Variants in GRHL2 observed in about 807,000 individuals in gnomAD.
GRHL2 encodes the protein grainyhead like transcription factor 2, also known as grainyhead-like protein 2 homolog.
GRHL2 carries 21 observed loss-of-function variants against 83.8 expected under a neutral mutation model. The ratio of observed to expected loss-of-function variants is 0.25; its 90% CI spans 0.18 to 0.36. The LOEUF (loss-of-function observed/expected upper bound fraction) is 0.36. Ranked by LOEUF, GRHL2 falls within the 10% of genes least tolerant of loss-of-function variation. The pLI is 1.00. For missense variants in GRHL2, 623 were observed against 781.8 expected (o/e 0.80, Z 2.42); for synonymous variants, 280 against 278.9 (o/e 1.00, Z -0.04).
intron 4 of GRHL2, among the ~76,000 whole-genome samples, chr8:101,564,796 A>G (rs1303199012): frequency 7.8e-6 from 1 of 127,922 alleles, no homozygotes; most frequent in African/African-American, 3.0e-5. Flanking sequence ...TGGGTGACAG[A>G]GCAAGGCCCT....
rs1409539887 is a variant in GRHL2 at position 101,649,510 on chromosome 8, T to C, written c.1698+11T>C. The C allele has an allele frequency of 1.9e-6, 3 of 1,604,772 alleles. No homozygotes were observed. Among genetic ancestry groups the C allele is most frequent in the African/African-American group, 2.7e-5 (2 of 74,836 alleles). On this transcript the variant is annotated intron_variant, in intron 14 of 15. Coordinates refer to ENST00000646743, the MANE Select transcript of GRHL2 (RefSeq NM_024915.4). ...GGCCTGATGGAAGCGGTAAGCCATA[T>C]ACTCCTTTCAGCCTCCAGGAAACCT...
At chr8:101,600,575 G>A (rs900447158) in intron 8 of GRHL2, among the ~76,000 whole-genome samples, 28 of 152,196 alleles carry the variant, frequency 1.8e-4, no homozygotes, top group African/African-American at 6.0e-4. Flanking sequence ...GAACCTGATC[G>A]GTAAGAGGCA....
chr8:101,566,666 C>T (rs976992452), intron 4 of GRHL2, among the ~76,000 whole-genome samples: 95 of 149,150 alleles, frequency 6.4e-4, no homozygotes, highest in African/African-American at 2.3e-3. Context: ...TTTTACTTAT[C>T]CCAAGTCTAA....
chr8:101,585,916 G>T (rs936615976), intron 7 of GRHL2, among the ~76,000 whole-genome samples: 3 of 152,062 alleles, frequency 2.0e-5, no homozygotes, highest in Admixed American at 6.5e-5. Context: ...AATCCCTTCC[G>T]CTGTGTGTGT....
chr8:101,586,146 C>T (rs1455909053), intron 7 of GRHL2, among the ~76,000 whole-genome samples: 3 of 140,754 alleles, frequency 2.1e-5, no homozygotes, highest in Non-Finnish European at 4.5e-5. Context: ...GTGGCGCAAT[C>T]TCGGCTCACT....
intron 1 of GRHL2, among the ~76,000 whole-genome samples, chr8:101,497,993 G>T (rs1042145486): frequency 2.0e-5 from 3 of 152,238 alleles, no homozygotes; most frequent in Non-Finnish European, 4.4e-5. Flanking sequence ...AGCTGCAAAA[G>T]AACTGATTTG....
At chr8:101,580,317 A>G (rs1275857652) in intron 7 of GRHL2, among the ~76,000 whole-genome samples, 6 of 152,188 alleles carry the variant, frequency 3.9e-5, no homozygotes, top group Non-Finnish European at 1.5e-5. Context: ...ATTATCTCAA[A>G]TCTTCTCTTC....
chr8:101,498,279 C>T (rs921432508), intron 1 of GRHL2, among the ~76,000 whole-genome samples: 5 of 152,024 alleles, frequency 3.3e-5, no homozygotes, highest in Admixed American at 6.6e-5. Context: ...CTGCCACGCT[C>T]GGCTGATTTT....
chr8:101,648,460 C>T (rs903870421), intron 13 of GRHL2, among the ~76,000 whole-genome samples: 30 of 152,182 alleles, frequency 2.0e-4, no homozygotes, highest in African/African-American at 6.0e-4. Flanking sequence ...TGATCGAGGA[C>T]GGGTGCTTGC....
intron 14 of GRHL2, among the ~76,000 whole-genome samples, chr8:101,657,389 C>T (rs1225635711): frequency 6.6e-6 from 1 of 152,120 alleles, no homozygotes; most frequent in Non-Finnish European, 1.5e-5. Flanking sequence ...AATTATAGAT[C>T]ATCAGACAAC....
intron 12 of GRHL2, among the ~76,000 whole-genome samples, chr8:101,637,662 C>T (rs1813316675): frequency 6.6e-6 from 1 of 152,208 alleles, no homozygotes; most frequent in African/African-American, 2.4e-5. Flanking sequence ...ACCTCTTTGA[C>T]AAGCAGTCAG....
chr8:101,678,218 G>T, the GRHL2 span, among the ~76,000 whole-genome samples: 4 of 152,160 alleles, frequency 2.6e-5, no homozygotes, highest in Non-Finnish European at 4.4e-5. Flanking sequence ...GCAGGTCAGT[G>T]GGTGCGCGCA....
At chr8:101,546,322 G>A (rs1660866364) in intron 2 of GRHL2, among the ~76,000 whole-genome samples, 1 of 151,948 alleles carries the variant, frequency 6.6e-6, no homozygotes, top group South Asian at 2.1e-4. Flanking sequence ...TTGTGAAATG[G>A]ATATAATTTC....
At chr8:101,580,606 T>G (rs1166173079) in intron 7 of GRHL2, among the ~76,000 whole-genome samples, 1 of 152,168 alleles carries the variant, frequency 6.6e-6, no homozygotes, top group Non-Finnish European at 1.5e-5. Flanking sequence ...GGGAAGAATT[T>G]TACGCAAGAT....
intron 1 of GRHL2, among the ~76,000 whole-genome samples, chr8:101,515,015 C>T (rs1238525211): frequency 6.9e-6 from 1 of 144,612 alleles, no homozygotes; most frequent in Non-Finnish European, 1.5e-5. Flanking sequence ...TTCCTTCCCC[C>T]CTTCATTTTC....
intron 9 of GRHL2, among the ~76,000 whole-genome samples, chr8:101,620,968 T>TG (rs1812953391): frequency 1.3e-5 from 2 of 150,828 alleles, no homozygotes; most frequent in South Asian, 4.2e-4. Context: ...TAAGCTGAGT[T>TG]GAAAAAAAAA....
intron 4 of GRHL2, among the ~76,000 whole-genome samples, chr8:101,566,490 T>G (rs1246028443): frequency 6.6e-6 from 1 of 151,330 alleles, no homozygotes; most frequent in African/African-American, 2.4e-5. Flanking sequence ...CCAAAAGACC[T>G]TCCAATTTTA....
Position 101,666,582 on chromosome 8 carries a change from A to G in GRHL2, c.1764-7A>G. On this transcript the variant is annotated splice_region_variant and splice_polypyrimidine_tract_variant and intron_variant, in intron 15 of 15. Coordinates refer to ENST00000646743, the MANE Select transcript of GRHL2 (RefSeq NM_024915.4). ...TGTTTTTCACACCCCTCCCCCCTCC[A>G]TGGCAGCATCTTGGTGAACATGGAT... 3 of 1,567,644 alleles carry G rather than the reference A, an allele frequency of 1.9e-6. No individual in the cohort carries two copies. Among genetic ancestry groups the G allele is most frequent in the East Asian group, 2.2e-5 (1 of 44,600 alleles).
intron 14 of GRHL2, among the ~76,000 whole-genome samples, chr8:101,657,564 G>A (rs1263674564): frequency 6.6e-6 from 1 of 152,152 alleles, no homozygotes; most frequent in African/African-American, 2.4e-5. Flanking sequence ...GAAAAGGCCG[G>A]GCGTAGTGGC....
Sources: allele counts gnomAD v4.1 joint callset (sites outside exome capture counted in the v4.1 genomes callset), GRCh38; gene constraint gnomAD v4.1.1; transcripts MANE v1.5; gene names NCBI Gene and HGNC (gene_info 2026-07-23, HGNC 2026-07-21).